HIVEP1: variants seen among roughly 807,000 people sequenced by gnomAD.
The protein encoded by HIVEP1 is zinc finger protein 40.
In HIVEP1, 36 loss-of-function variants were observed where a neutral mutation model predicts 180.0. The observed-to-expected ratio is 0.20, with a 90% CI of 0.15 to 0.26. HIVEP1 has a LOEUF of 0.26. Ranked by LOEUF, HIVEP1 falls within the 10% of genes least tolerant of loss-of-function variation. The pLI, the probability that HIVEP1 is intolerant of heterozygous loss-of-function variation, is 1.00. For missense variants in HIVEP1, 3,143 were observed against 3,268.7 expected, an observed-to-expected ratio of 0.96 and a Z score of 0.94; for synonymous variants, 1,239 against 1,239.0, an observed-to-expected ratio of 1.00 and a Z score of 0.00.
At chr6:12,053,370 G>T (rs184989173) in intron 2 of HIVEP1, among the ~76,000 whole-genome samples, 1 of 152,066 alleles carries the variant, frequency 6.6e-6, no homozygotes, top group African/African-American at 2.4e-5. Context: ...TTCTAGTCAA[G>T]TTAGAAGATA....
intron 2 of HIVEP1, chr6:12,037,670 G>A (rs1272039102): frequency 2.5e-6 from 1 of 399,028 alleles, no homozygotes; most frequent in African/African-American, 2.1e-5. Context: ...TCTTCAACAG[G>A]GAGAATGAAA....
At position 12,065,583 on chromosome 6, in the gene HIVEP1, G is replaced by C. The variant is rs1244396652; in HGVS notation, c.41-23601G>C. Reference sequence around the variant, plus strand: ...CTGGGTTCAAGCTGGTTCTTCCCCTGACGGGCTCTGTGAATTCGCTTCTGT... The same window carrying C: ...CTGGGTTCAAGCTGGTTCTTCCCCTCACGGGCTCTGTGAATTCGCTTCTGT... On this transcript the variant is annotated intron_variant, in intron 2 of 8. Transcript: ENST00000379388. 3.3e-5 allele frequency among the ~76,000 whole-genome samples: 5 copies of C among 152,144 alleles called. No individual in the cohort carries two copies. In the East Asian group the frequency reaches 5.8e-4, roughly 18 times the overall value.
At chr6:12,022,326 G>A (rs1287675510) in intron 2 of HIVEP1, among the ~76,000 whole-genome samples, 6 of 151,658 alleles carry the variant, frequency 4.0e-5, no homozygotes, top group Admixed American at 1.3e-4. Context: ...TCCTGCCACC[G>A]CACCCAGCTA....
the HIVEP1 span, among the ~76,000 whole-genome samples, chr6:12,173,254 A>G: frequency 6.6e-6 from 1 of 152,182 alleles, no homozygotes; most frequent in East Asian, 1.9e-4. Context: ...ATACAGCATA[A>G]CATATTATAT....
At chr6:12,171,596 A>G in the HIVEP1 span, among the ~76,000 whole-genome samples, 1 of 152,196 alleles carries the variant, frequency 6.6e-6, no homozygotes, top group East Asian at 1.9e-4. Flanking sequence ...GGAGAGTCAC[A>G]GAGCAGAAAT....
intron 7 of HIVEP1, among the ~76,000 whole-genome samples, chr6:12,154,332 G>A (rs1581795824): frequency 6.6e-6 from 1 of 152,148 alleles, no homozygotes; most frequent in South Asian, 2.1e-4. Flanking sequence ...TACGTGCAGC[G>A]TGTGCCATTC....
intron 2 of HIVEP1, among the ~76,000 whole-genome samples, chr6:12,041,253 C>T (rs71533612): frequency 2.0e-5 from 3 of 152,028 alleles, no homozygotes; most frequent in African/African-American, 7.2e-5. Flanking sequence ...AACCCTGTCT[C>T]TACTAAAAAT....
chr6:12,167,686 AATATATATAC>A (rs1183496511), downstream of HIVEP1, among the ~76,000 whole-genome samples: 122 of 78,064 alleles, frequency 1.6e-3, 3 homozygotes, highest in African/African-American at 8.2e-3. Flanking sequence ...ATATGTGTAT[AATATATATAC>A]ATATATACAT....
At chr6:12,059,311 T>TA (rs1403491344) in intron 2 of HIVEP1, among the ~76,000 whole-genome samples, 4 of 152,194 alleles carry the variant, frequency 2.6e-5, no homozygotes, top group Admixed American at 1.3e-4. Context: ...GTGCTGGAAT[T>TA]ACAGGCGTGA....
chr6:12,161,994 T>C, intron 8 of HIVEP1, 65 bp downstream of exon 8: 1 of 1,402,778 alleles, frequency 7.1e-7, no homozygotes, highest in African/African-American at 1.4e-5. Context: ...ATGGAGAACT[T>C]AATGGCTTAA....
intron 1 of HIVEP1, 133 bp from the exon 2 acceptor site, chr6:12,015,393 A>T: frequency 2.5e-6 from 1 of 403,736 alleles, no homozygotes; most frequent in Non-Finnish European, 4.4e-6. Flanking sequence ...AAAGTTAGTA[A>T]TCTTTTGCAG....
intron 7 of HIVEP1, among the ~76,000 whole-genome samples, chr6:12,158,723 T>A (rs1283588962): frequency 6.6e-6 from 1 of 152,186 alleles, no homozygotes; most frequent in Admixed American, 6.5e-5. Flanking sequence ...TGTATGTGTA[T>A]GTTTTTCCTG....
At chr6:12,022,403 C>G (rs984735513) in intron 2 of HIVEP1, among the ~76,000 whole-genome samples, 6 of 152,140 alleles carry the variant, frequency 3.9e-5, no homozygotes, top group Non-Finnish European at 8.8e-5. Context: ...AACTCCTGAC[C>G]TCGTGATCCA....
At chr6:12,025,127 G>A (rs894488900) in intron 2 of HIVEP1, among the ~76,000 whole-genome samples, 1 of 152,148 alleles carries the variant, frequency 6.6e-6, no homozygotes, top group African/African-American at 2.4e-5. Flanking sequence ...TATTTGCCCA[G>A]GGTCACATAG....
Position 12,097,595 on chromosome 6 carries a change from TAGAC to T in HIVEP1, c.94+8361_94+8364del, listed in dbSNP as rs559755815. On this transcript the variant is annotated intron_variant, in intron 3 of 8. Coordinates refer to ENST00000379388, the MANE Select transcript of HIVEP1 (RefSeq NM_002114.4). ...CTTACGAAGTATTCTCTTAGTGTAA[TAGAC>T]AGTGAATGCTGTGAGCTTGAATTAC... Among the ~76,000 whole-genome samples, 10 of 152,282 alleles carry T rather than the reference TAGAC, an allele frequency of 6.6e-5. No individual in the cohort carries two copies. In the South Asian group the frequency reaches 1.4e-3, roughly 22 times the overall value.
rs542801943 is a variant in HIVEP1, at chr6:12,036,967, G to A, written c.40+21299G>A. On this transcript the variant is annotated intron_variant, in intron 2 of 8. Transcript: ENST00000379388. ...CTCCAGAGAAGATGGTGTGGAGGCT[G>A]GGTCTTGGAGAATGAATAGGAGTTG... Among the ~76,000 whole-genome samples the A allele has an allele frequency of 3.3e-5, 5 of 152,292 alleles. No individual in the cohort carries two copies. In the East Asian group the frequency reaches 9.7e-4, roughly 29 times the overall value.
chr6:12,062,593 A>C (rs894812126), intron 2 of HIVEP1, among the ~76,000 whole-genome samples: 1 of 152,216 alleles, frequency 6.6e-6, no homozygotes, highest in African/African-American at 2.4e-5. Context: ...GACAATAAGA[A>C]GTAATCTTTA....
chr6:12,089,273 T>A, intron 3 of HIVEP1, 36 bp downstream of exon 3: 4 of 1,185,862 alleles, frequency 3.4e-6, no homozygotes, highest in Non-Finnish European at 5.0e-6. Context: ...AACTTTATTC[T>A]TGCAATGATG....
At chr6:12,115,310 AT>A (rs1775143275) in intron 3 of HIVEP1, among the ~76,000 whole-genome samples, 1 of 151,186 alleles carries the variant, frequency 6.6e-6, no homozygotes, top group Non-Finnish European at 1.5e-5. Context: ...GTGACTTCAC[AT>A]AGAACACAGG....
Sources: gnomAD v4.1 joint callset for allele counts (sites outside exome capture counted in the v4.1 genomes callset) on GRCh38, gnomAD v4.1.1 for gene constraint, MANE v1.5 for transcripts, NCBI Gene and HGNC (gene_info 2026-07-23, HGNC 2026-07-21) for gene names.